The following DAB2IP variants were observed in gnomAD, a reference collection of about 807,000 sequenced individuals.
DAB2IP encodes disabled homolog 2-interacting protein.
In DAB2IP, 28 loss-of-function variants were observed where a neutral mutation model predicts 107.2. The observed-to-expected ratio is 0.26, with a 90% CI of 0.19 to 0.36. DAB2IP has a LOEUF of 0.36. Among genes scored for constraint, DAB2IP ranks in the 10% least tolerant of loss-of-function variants. DAB2IP has a pLI of 1.00. For missense variants in DAB2IP, 1,400 were observed against 1,644.7 expected (o/e 0.85, Z 2.57); for synonymous variants, 755 against 706.4 (o/e 1.07, Z -1.09).
At chr9:121,770,836 G>A in intron 11 of DAB2IP, 112 bp downstream of exon 11, 1 of 1,407,186 alleles carries the variant, frequency 7.1e-7, no homozygotes, top group Non-Finnish European at 9.6e-7. Flanking sequence ...TATAAAACAA[G>A]CCTGGCAAGA....
upstream of DAB2IP, among the ~76,000 whole-genome samples, chr9:121,648,871 C>G (rs1397271922): frequency 6.6e-6 from 1 of 152,004 alleles, no homozygotes. Flanking sequence ...GCAGTGGTAG[C>G]AATGGTGGTG....
intron 1 of DAB2IP, among the ~76,000 whole-genome samples, chr9:121,580,554 G>C (rs1056611480): frequency 2.0e-5 from 3 of 152,070 alleles, no homozygotes; most frequent in Non-Finnish European, 4.4e-5. Context: ...GGTGGATGGA[G>C]GTAGTGAACA....
chr9:121,752,289 G>T (rs550666415), intron 3 of DAB2IP, among the ~76,000 whole-genome samples: 1 of 152,032 alleles, frequency 6.6e-6, no homozygotes, highest in Admixed American at 6.6e-5. Context: ...ACGTCACCAG[G>T]GTTTGCAGGC....
intron 1 of DAB2IP, among the ~76,000 whole-genome samples, chr9:121,669,939 T>A (rs1833609229): frequency 6.6e-6 from 1 of 152,228 alleles, no homozygotes; most frequent in African/African-American, 2.4e-5. Context: ...ATTGGTACCA[T>A]GCCTGCGTAT....
chr9:121,665,388 A>C (rs1213546884), intron 1 of DAB2IP, among the ~76,000 whole-genome samples: 1 of 152,216 alleles, frequency 6.6e-6, no homozygotes, highest in East Asian at 1.9e-4. Flanking sequence ...AACATTACTA[A>C]GGTGGAAATT....
rs1829609422 is a variant in DAB2IP, at chr9:121,699,180, C to T, written c.229-145C>T. On this transcript the variant is annotated intron_variant, in intron 2 of 15. Coordinates refer to ENST00000408936, the Ensembl canonical transcript of DAB2IP. This position sits in a 1 kb window ranked among gnomAD's most constrained non-coding sequence, Gnocchi z 6.2. ...CGGTCGGCGGGCGGGCGGCGCGGGC[C>T]GCGAGCTGCTGGGGCCGAGCCCGAG... 1.1e-6 allele frequency: 1 copy of T among 927,782 alleles called. No homozygotes were observed. The highest frequency in any genetic ancestry group is 1.3e-6 in the Non-Finnish European group (1 of 780,858). 57.5% of individuals were successfully genotyped at this position (927,782 alleles called of 1,614,324 possible).
At chr9:121,691,536 A>C (rs1564159320) in intron 2 of DAB2IP, among the ~76,000 whole-genome samples, 1 of 151,838 alleles carries the variant, frequency 6.6e-6, no homozygotes, top group East Asian at 1.9e-4. Context: ...AAAAAAAAAA[A>C]CTATGACCAT....
chr9:121,708,684 G>A (rs1215753138), intron 3 of DAB2IP, among the ~76,000 whole-genome samples: 1 of 152,226 alleles, frequency 6.6e-6, no homozygotes, highest in African/African-American at 2.4e-5. Context: ...GGAAACTGAG[G>A]TTCAGGGAAG....
chr9:121,737,808 G>T (rs1321144210), intron 3 of DAB2IP: 3 of 983,504 alleles, frequency 3.1e-6, no homozygotes, highest in East Asian at 1.1e-4. Context: ...GGGTCAGACA[G>T]GCTTTGGTCG....
rs1057178565 is a variant in DAB2IP, at chr9:121,747,779, C to T, written c.363-9234C>T. ...TATTGATTAAAAACCCGAAATTATT[C>T]AGGCTGCAGGATGACTTGGGGGATT... is the stretch of plus-strand genomic sequence containing the variant. On this transcript the variant is annotated intron_variant, in intron 3 of 15. Transcript: ENST00000408936. Among the ~76,000 whole-genome samples, 8 of 151,554 alleles carry T rather than the reference C, an allele frequency of 5.3e-5. No homozygotes were observed. The South Asian group carries it at 1.7e-3, about 32-fold the overall frequency.
chr9:121,720,213 A>T (rs997055320), intron 3 of DAB2IP, among the ~76,000 whole-genome samples: 2 of 152,076 alleles, frequency 1.3e-5, no homozygotes, highest in African/African-American at 4.8e-5. Context: ...ACTTCCTTGC[A>T]GTTCTCAGGG....
At chr9:121,742,081 C>T (rs1160449624) in intron 3 of DAB2IP, among the ~76,000 whole-genome samples, 2 of 152,044 alleles carry the variant, frequency 1.3e-5, no homozygotes, top group African/African-American at 2.4e-5. Context: ...TGACTCAGCC[C>T]CTGTGGAGTT....
At chr9:121,658,098 G>T (rs1833043807) in intron 1 of DAB2IP, among the ~76,000 whole-genome samples, 1 of 152,188 alleles carries the variant, frequency 6.6e-6, no homozygotes, top group South Asian at 2.1e-4. Context: ...CTTCTGCGGG[G>T]AGAGAATGGC....
chr9:121,611,199 C>T (rs796877625), intron 1 of DAB2IP, among the ~76,000 whole-genome samples: 16 of 152,280 alleles, frequency 1.1e-4, no homozygotes, highest in African/African-American at 2.4e-4. Flanking sequence ...GTCTCGAACT[C>T]CTGACTTCAA....
chr9:121,583,809 C>T (rs1830256665), intron 1 of DAB2IP, among the ~76,000 whole-genome samples: 1 of 152,196 alleles, frequency 6.6e-6, no homozygotes, highest in Admixed American at 6.5e-5. Context: ...AGGAGAAGCT[C>T]AGAAGTTGGC....
chr9:121,772,443 G>A lies in DAB2IP; in HGVS notation c.2079-164G>A, dbSNP rs558790440. Among the ~76,000 whole-genome samples, 3 of 152,078 alleles carry A rather than the reference G, an allele frequency of 2.0e-5. No homozygotes were observed. Among genetic ancestry groups the A allele is most frequent in the East Asian group, 3.9e-4 (2 of 5,188 alleles). On this transcript the variant is annotated intron_variant, in intron 11 of 15. Transcript: ENST00000408936. The surrounding 1 kb of genome is among the most constrained non-coding windows in gnomAD (Gnocchi z 4.7). ...GCAGCCGCCTCAGCCTCTGGTCCCC[G>A]GATTCTCCCACTCCTGCCACCCCAG... is the stretch of plus-strand genomic sequence containing the variant.
chr9:121,581,192 A>G (rs1830187095), intron 1 of DAB2IP, among the ~76,000 whole-genome samples: 1 of 152,126 alleles, frequency 6.6e-6, no homozygotes. Flanking sequence ...GGAGCTCACA[A>G]TCCCAGCAGG....
At chr9:121,719,164 C>T (rs1246779796) in intron 3 of DAB2IP, among the ~76,000 whole-genome samples, 2 of 152,180 alleles carry the variant, frequency 1.3e-5, no homozygotes, top group Non-Finnish European at 2.9e-5. Flanking sequence ...CAAGCCCATT[C>T]GCAAGGCCTT....
intron 1 of DAB2IP, among the ~76,000 whole-genome samples, chr9:121,667,576 T>C (rs1370678046): frequency 6.6e-6 from 1 of 152,152 alleles, no homozygotes; most frequent in Non-Finnish European, 1.5e-5. Flanking sequence ...CTGCAACCTC[T>C]GCCTGCCAGG....
Sources: gnomAD v4.1 joint callset for allele counts (sites outside exome capture counted in the v4.1 genomes callset) on GRCh38, gnomAD v4.1.1 for gene constraint, Gnocchi (gnomAD v3.1) non-coding constraint, MANE v1.5 for transcripts, NCBI Gene and HGNC (gene_info 2026-07-23, HGNC 2026-07-21) for gene names.